Variants in SYT14 observed in about 807,000 individuals in gnomAD.
SYT14 encodes the protein synaptotagmin 14.
SYT14 carries 32 observed loss-of-function variants against 74.2 expected under a neutral mutation model. The observed-to-expected ratio is 0.43, with a 90% CI of 0.33 to 0.58. SYT14 has a LOEUF of 0.58. Ranked by LOEUF, SYT14 falls within the 20% of genes least tolerant of loss-of-function variation. SYT14 has a pLI of 0.05. For missense variants in SYT14, 791 were observed against 981.8 expected (o/e 0.81, Z 2.60); for synonymous variants, 298 against 337.7 (o/e 0.88, Z 1.29).
chr1:210,080,316 A>C (rs2102477760), intron 5 of SYT14, among the ~76,000 whole-genome samples: 1 of 152,338 alleles, frequency 6.6e-6, no homozygotes, highest in South Asian at 2.1e-4. Context: ...ATCATAATTT[A>C]GAGTCATAAT....
intron 5 of SYT14, among the ~76,000 whole-genome samples, chr1:210,050,270 G>T (rs922765137): frequency 6.6e-6 from 1 of 152,198 alleles, no homozygotes; most frequent in Non-Finnish European, 1.5e-5. Flanking sequence ...GATGCCGCCA[G>T]TCTCTTTGCT....
At chr1:210,051,190 T>C (rs570451520) in intron 5 of SYT14, among the ~76,000 whole-genome samples, 22 of 152,342 alleles carry the variant, frequency 1.4e-4, no homozygotes, top group African/African-American at 4.8e-4. Context: ...ACGATACATA[T>C]AAAATAGTTT....
At chr1:210,087,512 C>G (rs1482217148) in intron 5 of SYT14, among the ~76,000 whole-genome samples, 1 of 152,168 alleles carries the variant, frequency 6.6e-6, no homozygotes, top group Non-Finnish European at 1.5e-5. Context: ...CCAGGCTGCC[C>G]TCCCATGGGG....
chr1:209,939,254 C>G (rs186575655), intron 1 of SYT14, among the ~76,000 whole-genome samples: 1 of 152,172 alleles, frequency 6.6e-6, no homozygotes, highest in African/African-American at 2.4e-5. Flanking sequence ...TAAATTTTCC[C>G]TGTGTGTGTA....
intron 4 of SYT14, among the ~76,000 whole-genome samples, chr1:210,017,700 TCTGA>T (rs1466950088): frequency 7.9e-5 from 12 of 152,202 alleles, no homozygotes. Context: ...GAATTAGGAT[TCTGA>T]CTAAGCATTT....
intron 2 of SYT14, among the ~76,000 whole-genome samples, chr1:209,961,559 A>T (rs2079075858): frequency 6.6e-6 from 1 of 152,112 alleles, no homozygotes; most frequent in South Asian, 2.1e-4. Flanking sequence ...TGACATTATT[A>T]AGGCTTATCT....
chr1:209,982,872 T>C (rs1049270607), intron 2 of SYT14, among the ~76,000 whole-genome samples: 2 of 152,236 alleles, frequency 1.3e-5, no homozygotes, highest in African/African-American at 4.8e-5. Context: ...GTTGTCAGTG[T>C]TCTGGATTTT....
chr1:210,028,021 A>G (rs2080451549), intron 5 of SYT14, among the ~76,000 whole-genome samples: 1 of 151,832 alleles, frequency 6.6e-6, no homozygotes, highest in Non-Finnish European at 1.5e-5. Flanking sequence ...TTTTTTCATC[A>G]TCCTAAACAG....
chr1:210,088,569 A>C (rs1413354411), intron 5 of SYT14, among the ~76,000 whole-genome samples: 2 of 152,122 alleles, frequency 1.3e-5, no homozygotes, highest in East Asian at 3.8e-4. Flanking sequence ...ACAATAGCAA[A>C]GACTTGGAAC....
intron 5 of SYT14, among the ~76,000 whole-genome samples, chr1:210,075,210 T>C (rs2081471117): frequency 1.3e-5 from 2 of 152,280 alleles, no homozygotes; most frequent in South Asian, 2.1e-4. Context: ...TGACGTGTGC[T>C]CTTCTGCTGG....
intron 5 of SYT14, among the ~76,000 whole-genome samples, chr1:210,032,595 A>G (rs952890375): frequency 6.6e-6 from 1 of 151,340 alleles, no homozygotes; most frequent in Non-Finnish European, 1.5e-5. Context: ...TATGATATTA[A>G]CTCCTCATAC....
exon 10 of SYT14, chr1:210,168,580 T>G (rs1360227859): frequency 6.6e-6 from 1 of 152,068 alleles, no homozygotes; most frequent in Admixed American, 6.5e-5. Flanking sequence ...TGTCTATATA[T>G]TCAGATATTG....
intron 2 of SYT14, among the ~76,000 whole-genome samples, chr1:209,994,640 C>T (rs1165462913): frequency 2.0e-5 from 3 of 152,172 alleles, no homozygotes; most frequent in East Asian, 1.9e-4. Context: ...ATACAGAGAA[C>T]ACCAGCTAGA....
At chr1:210,157,929 A>C (rs1009132579) in intron 8 of SYT14, among the ~76,000 whole-genome samples, 1 of 152,136 alleles carries the variant, frequency 6.6e-6, no homozygotes, top group African/African-American at 2.4e-5. Flanking sequence ...TGCTTCTTAC[A>C]TGTATCACAG....
exon 10 of SYT14, chr1:210,164,869 A>G (rs1341043037): frequency 6.6e-6 from 1 of 152,138 alleles, no homozygotes; most frequent in Non-Finnish European, 1.5e-5. Flanking sequence ...CCTACATTGA[A>G]GGTAGCTGTC....
At chr1:210,078,458 C>T (rs1183058799) in intron 5 of SYT14, among the ~76,000 whole-genome samples, 4 of 151,798 alleles carry the variant, frequency 2.6e-5, no homozygotes, top group Non-Finnish European at 5.9e-5. Context: ...AGTGATGTGC[C>T]ATGACAAATA....
At chr1:210,148,450 G>A (rs548755436) in intron 7 of SYT14, among the ~76,000 whole-genome samples, 12 of 151,424 alleles carry the variant, frequency 7.9e-5, no homozygotes, top group East Asian at 1.9e-4. Context: ...CGGAGCTTGC[G>A]GTGAGCCGAG....
At chr1:209,989,537 A>G (rs927661324) in intron 2 of SYT14, among the ~76,000 whole-genome samples, 9 of 152,310 alleles carry the variant, frequency 5.9e-5, no homozygotes, top group Non-Finnish European at 1.0e-4. Context: ...ATTTCATTTG[A>G]TTTCTGAATG....
At chr1:210,146,275 T>C (rs539173944) in intron 7 of SYT14, among the ~76,000 whole-genome samples, 1 of 152,210 alleles carries the variant, frequency 6.6e-6, no homozygotes, top group South Asian at 2.1e-4. Flanking sequence ...GAGGCAGAAG[T>C]TGCAGTGAGA....
Sources: gnomAD v4.1 joint callset for allele counts (sites outside exome capture counted in the v4.1 genomes callset) on GRCh38, gnomAD v4.1.1 for gene constraint, MANE v1.5 for transcripts, NCBI Gene and HGNC (gene_info 2026-07-23, HGNC 2026-07-21) for gene names.